Variants in NBAS observed in about 807,000 individuals in gnomAD.
NBAS encodes the protein NBAS subunit of NRZ tethering complex.
A neutral mutation model predicts 302.5 loss-of-function variants in NBAS; 219 were observed. The ratio of observed to expected loss-of-function variants is 0.72; its 90% confidence interval spans 0.65 to 0.81. NBAS has a LOEUF of 0.81. Among genes scored for constraint, NBAS ranks in the 30% least tolerant of loss-of-function variants. The pLI is 0.00. For missense variants in NBAS, 2,932 were observed against 2,841.6 expected, an observed-to-expected ratio of 1.03 and a Z score of -0.72; for synonymous variants, 1,118 against 1,021.6, an observed-to-expected ratio of 1.09 and a Z score of -1.80.
chr2:15,209,831 T>C (rs1666325821), intron 48 of NBAS, among the ~76,000 whole-genome samples: 1 of 152,080 alleles, frequency 6.6e-6, no homozygotes. Flanking sequence ...GCATCTACAG[T>C]AAACCCATTT....
the NBAS span, among the ~76,000 whole-genome samples, chr2:14,820,333 TA>T: frequency 6.6e-6 from 1 of 152,116 alleles, no homozygotes; most frequent in Non-Finnish European, 1.5e-5. Flanking sequence ...TATTCAGCCA[TA>T]AAAAAGAATG....
At chr2:15,054,584 T>G in the NBAS span, among the ~76,000 whole-genome samples, 1 of 152,164 alleles carries the variant, frequency 6.6e-6, no homozygotes, top group East Asian at 1.9e-4. Context: ...ACGTTATGGT[T>G]TATGTGCACT....
chr2:15,148,229 C>G, the NBAS span, among the ~76,000 whole-genome samples: 18,336 of 152,194 alleles, frequency 0.12, 1,363 homozygotes, highest in South Asian at 0.23. Flanking sequence ...TCTTATTGCA[C>G]AGTGTCATTC....
intron 21 of NBAS, 69 bp downstream of exon 21, chr2:15,461,132 G>A: frequency 7.4e-7 from 1 of 1,346,086 alleles, no homozygotes; most frequent in Non-Finnish European, 1.1e-6. Context: ...TAACTTTAAG[G>A]TGTTCAGCAT....
intron 8 of NBAS, among the ~76,000 whole-genome samples, chr2:15,536,185 T>C (rs946060654): frequency 2.0e-5 from 3 of 152,160 alleles, no homozygotes; most frequent in South Asian, 2.1e-4. Context: ...AATAGCCGGA[T>C]AGAGGGGTGG....
chr2:15,376,027 G>A (rs976241643), intron 30 of NBAS, among the ~76,000 whole-genome samples: 3 of 152,068 alleles, frequency 2.0e-5, no homozygotes, highest in East Asian at 1.9e-4. Flanking sequence ...ATAAGAAACC[G>A]ATATTTAAAA....
chr2:15,448,212 C>A (rs1471997957), intron 21 of NBAS, among the ~76,000 whole-genome samples: 3 of 152,160 alleles, frequency 2.0e-5, no homozygotes, highest in Non-Finnish European at 4.4e-5. Flanking sequence ...CAGCCTTTTG[C>A]AAGCCCTTTT....
intron 11 of NBAS, among the ~76,000 whole-genome samples, chr2:15,500,519 C>CAG (rs1464415223): frequency 1.3e-5 from 2 of 151,254 alleles, no homozygotes; most frequent in Non-Finnish European, 2.9e-5. Context: ...CACACACACA[C>CAG]ACACACACAC....
At chr2:14,901,093 C>A in the NBAS span, among the ~76,000 whole-genome samples, 4 of 152,158 alleles carry the variant, frequency 2.6e-5, no homozygotes, top group African/African-American at 9.7e-5. Context: ...ACAGGCACAG[C>A]TCATTTCTTG....
intron 48 of NBAS, among the ~76,000 whole-genome samples, chr2:15,203,371 T>C (rs1282453902): frequency 3.3e-5 from 5 of 152,196 alleles, no homozygotes; most frequent in African/African-American, 4.8e-5. Flanking sequence ...GATACACATA[T>C]GAAGCCTAAT....
At position 15,167,102 on chromosome 2, in the gene NBAS, G is replaced by A; in HGVS notation, c.7062C>T (p.His2354=). The change falls in exon 52 of 52, where the codon CAC becomes CAT. Residue 2354 remains histidine (H), a synonymous_variant. Transcript: ENST00000281513. ...GSLLLAVRGT[H]QAFRTFSTAL... ...CTGTACTGAAGGTTCTGAAGGCCTG[G>A]TGAGTCCCCCTCACGGCCAGAAGGA... is the stretch of plus-strand genomic sequence containing the variant. 3 of 1,613,384 alleles carry A rather than the reference G, an allele frequency of 1.9e-6. No homozygotes were observed. The highest frequency in any genetic ancestry group is 2.5e-6 in the Non-Finnish European group (3 of 1,179,488).
At chr2:15,308,160 A>G (rs1671111821) in intron 40 of NBAS, 56 bp downstream of exon 40, 1 of 1,611,244 alleles carries the variant, frequency 6.2e-7, no homozygotes, top group East Asian at 2.2e-5. Flanking sequence ...TGTTTTGAGT[A>G]TTTTAGAAAA....
At chr2:15,440,583 ACT>A (rs1453045289) in intron 21 of NBAS, among the ~76,000 whole-genome samples, 1 of 152,148 alleles carries the variant, frequency 6.6e-6, no homozygotes, top group African/African-American at 2.4e-5. Flanking sequence ...AAAACTGGAA[ACT>A]CTCAAAAGCA....
intron 6 of NBAS, among the ~76,000 whole-genome samples, chr2:15,547,412 T>C (rs1664167498): frequency 6.6e-6 from 1 of 152,186 alleles, no homozygotes; most frequent in African/African-American, 2.4e-5. Context: ...TAATGCAGTA[T>C]TAAGGTCATA....
chr2:15,355,924 T>TA (rs1186141504), intron 33 of NBAS, among the ~76,000 whole-genome samples: 7 of 152,022 alleles, frequency 4.6e-5, no homozygotes, highest in Admixed American at 1.3e-4. Flanking sequence ...ACACTATCTT[T>TA]AAAAAAAATT....
intron 25 of NBAS, among the ~76,000 whole-genome samples, chr2:15,405,937 C>T (rs568400942): frequency 6.6e-6 from 1 of 152,052 alleles, no homozygotes; most frequent in African/African-American, 2.4e-5. Flanking sequence ...AATAGAACAA[C>T]ATCCGCTATT....
At chr2:14,804,316 A>G in the NBAS span, among the ~76,000 whole-genome samples, 143 of 152,328 alleles carry the variant, frequency 9.4e-4, no homozygotes, top group African/African-American at 3.3e-3. Context: ...ACTGTTTACA[A>G]TGGCCCCCAA....
intron 41 of NBAS, among the ~76,000 whole-genome samples, chr2:15,291,870 T>A (rs1487843635): frequency 6.6e-6 from 1 of 152,198 alleles, no homozygotes; most frequent in Non-Finnish European, 1.5e-5. Flanking sequence ...CCTGATCACA[T>A]GTTATTACCT....
At chr2:14,787,733 T>A in the NBAS span, among the ~76,000 whole-genome samples, 2 of 152,188 alleles carry the variant, frequency 1.3e-5, no homozygotes, top group African/African-American at 4.8e-5. Flanking sequence ...AACCCGACCT[T>A]TCTCTCTGGC....
Sources: allele counts gnomAD v4.1 joint callset (sites outside exome capture counted in the v4.1 genomes callset), GRCh38; gene constraint gnomAD v4.1.1; transcripts MANE v1.5; gene names NCBI Gene and HGNC (gene_info 2026-07-23, HGNC 2026-07-21).